PCDHGA4: variants seen among roughly 807,000 people sequenced by gnomAD.
The protein encoded by PCDHGA4 is protocadherin gamma subfamily A, 4, also known as protocadherin gamma-A4.
A neutral mutation model predicts 54.6 loss-of-function variants in PCDHGA4; 38 were observed. That is an observed-to-expected ratio of 0.70 (90% CI 0.54 to 0.91). PCDHGA4 has a LOEUF of 0.91. Among genes scored for constraint, PCDHGA4 ranks in the 40% least tolerant of loss-of-function variants. The pLI is 0.00. For missense variants in PCDHGA4, 1,298 were observed against 1,220.9 expected, an observed-to-expected ratio of 1.06 and a Z score of -0.94; for synonymous variants, 511 against 512.9, an observed-to-expected ratio of 1.00 and a Z score of 0.05.
Position 141,355,077 on chromosome 5 carries a change from C to A in PCDHGA4, c.-31C>A. The A allele has an allele frequency of 7.1e-7, 1 of 1,404,060 alleles. No homozygotes were observed. The highest frequency in any genetic ancestry group is 9.5e-7 in the Non-Finnish European group (1 of 1,051,604). 87.0% of individuals were successfully genotyped at this position (1,404,060 alleles called of 1,614,324 possible). A position where few individuals can be genotyped will look rare whatever the true frequency, so the allele number is the denominator to read the frequency against. ...TGGCTCTGGAGCTTTATGAAAGCTT[C>A]AAGCGGAAGCCCTGAGAGCTCTGGC... On this transcript the variant is annotated 5_prime_UTR_variant, in exon 1 of 4. It introduces an in-frame stop codon into an upstream open reading frame of the 5' UTR. Transcript: ENST00000571252.
At chr5:141,371,321 T>C (rs1767663616) in intron 1 of PCDHGA4, 4 of 1,613,816 alleles carry the variant, frequency 2.5e-6, no homozygotes, top group Non-Finnish European at 3.4e-6. Context: ...AACTGGACTT[T>C]GAAGAGAGAG....
chr5:141,371,842 C>T (rs1768100584), intron 1 of PCDHGA4: 3 of 1,613,586 alleles, frequency 1.9e-6, no homozygotes, highest in African/African-American at 1.3e-5. Context: ...GACTTGGGAC[C>T]TAATGGCCTT....
At chr5:141,400,233 C>A (rs373858401) in intron 1 of PCDHGA4, 2 of 1,613,988 alleles carry the variant, frequency 1.2e-6, no homozygotes, top group African/African-American at 1.3e-5. Flanking sequence ...TCCTCCTGGC[C>A]GTGATTCTGG....
At chr5:141,414,421 A>G (rs1250470349) in intron 1 of PCDHGA4, 1 of 1,613,776 alleles carries the variant, frequency 6.2e-7, no homozygotes, top group African/African-American at 1.3e-5. Flanking sequence ...AGCCCTTGAC[A>G]GGGAACAGGT....
At chr5:141,403,864 A>C in intron 1 of PCDHGA4, 1 of 1,613,794 alleles carries the variant, frequency 6.2e-7, no homozygotes, top group Non-Finnish European at 8.5e-7. Flanking sequence ...TATCAACAGC[A>C]AAAAGTCTAG....
At chr5:141,376,974 A>T (rs1055212132) in intron 1 of PCDHGA4, 1 of 158,030 alleles carries the variant, frequency 6.3e-6, no homozygotes, top group Non-Finnish European at 1.4e-5. Context: ...GGCGTGAGCC[A>T]CCGCGCCCGG....
At chr5:141,382,924 G>T (rs768027809) in intron 1 of PCDHGA4, 2 of 1,568,666 alleles carry the variant, frequency 1.3e-6, no homozygotes, top group Non-Finnish European at 1.7e-6. Flanking sequence ...GAGGGGCGGG[G>T]ACTACAGAGG....
At chr5:141,482,116 T>C (rs1017195289) in intron 1 of PCDHGA4, among the ~76,000 whole-genome samples, 4 of 150,222 alleles carry the variant, frequency 2.7e-5, no homozygotes, top group South Asian at 2.1e-4. Context: ...TATCTAGAGA[T>C]GGGAGAATCA....
At chr5:141,373,954 T>C (rs1439763136) in intron 1 of PCDHGA4, 3 of 850,698 alleles carry the variant, frequency 3.5e-6, no homozygotes, top group East Asian at 5.9e-5. Context: ...GCAGAAATTC[T>C]GACCTGAAAC....
intron 3 of PCDHGA4, among the ~76,000 whole-genome samples, chr5:141,506,877 G>A (rs998146154): frequency 1.3e-5 from 2 of 152,142 alleles, no homozygotes; most frequent in Non-Finnish European, 2.9e-5. Flanking sequence ...AGAGAACCAG[G>A]TGAAATCACA....
intron 1 of PCDHGA4, among the ~76,000 whole-genome samples, chr5:141,466,183 T>G (rs145148468): frequency 2.0e-5 from 3 of 152,138 alleles, no homozygotes; most frequent in Middle Eastern, 3.4e-3. Flanking sequence ...TATTTTTATT[T>G]TTTTTCAGAC....
chr5:141,461,286 C>T (rs2099012487), intron 1 of PCDHGA4, among the ~76,000 whole-genome samples: 1 of 152,144 alleles, frequency 6.6e-6, no homozygotes, highest in Admixed American at 6.6e-5. Context: ...TTCCCCACAT[C>T]CACACCAACA....
At chr5:141,497,284 A>G (rs1486878285) in intron 2 of PCDHGA4, among the ~76,000 whole-genome samples, 1 of 152,104 alleles carries the variant, frequency 6.6e-6, no homozygotes, top group South Asian at 2.1e-4. Context: ...TGTTCCCTCT[A>G]CCTACCACCA....
At position 141,418,023 on chromosome 5, in the gene PCDHGA4, G is replaced by A. The variant is rs375588252; in HGVS notation, c.2514+60402G>A. 244 of 1,613,996 alleles carry A rather than the reference G, an allele frequency of 1.5e-4. No individual in the cohort carries two copies. The Middle Eastern group carries it at 3.5e-3, about 23-fold the overall frequency. On this transcript the variant is annotated intron_variant, in intron 1 of 3. Coordinates refer to ENST00000571252, the MANE Select transcript of PCDHGA4 (RefSeq NM_018917.4). ...GTGGGGAACCTCGCTAAGGATCTAGGGCTTAGTGTCCTGGATGTGTCGGCT... is the reference window on the plus strand; with the variant it reads ...GTGGGGAACCTCGCTAAGGATCTAGAGCTTAGTGTCCTGGATGTGTCGGCT...
chr5:141,356,483 GAACTCCTC>G lies in PCDHGA4; in HGVS notation c.1377_1384del (p.Pro461ValfsTer15). The G allele has an allele frequency of 6.2e-7, 1 of 1,613,938 alleles. No individual in the cohort carries two copies. Among genetic ancestry groups the G allele is most frequent in the Non-Finnish European group, 8.5e-7 (1 of 1,179,888 alleles). On this transcript the variant is annotated frameshift_variant, in exon 1 of 4. Transcript: ENST00000571252. LOFTEE classifies it high-confidence loss of function. ...ATCACTGTAACTGCCACTGACCAGG[GAACTCCTC>G]CACTGTCTACAGAAACTCATATTTC...
chr5:141,428,426 C>T (rs1040765233), intron 1 of PCDHGA4: 1 of 435,172 alleles, frequency 2.3e-6, no homozygotes, highest in African/African-American at 2.0e-5. Context: ...GGTCTCTGTT[C>T]TAAGACTAGA....
At position 141,357,408 on chromosome 5, in the gene PCDHGA4, T is replaced by C. The variant is rs73792169; in HGVS notation, c.2301T>C (p.Pro767=). 2.9e-3 allele frequency: 4,630 copies of C among 1,614,246 alleles called. 117 individuals carry two copies. In the African/African-American group the frequency reaches 0.05, roughly 18 times the overall value. The change falls in exon 1 of 4, where the codon CCT becomes CCC. Residue 767 remains proline (P), a synonymous_variant. Transcript: ENST00000571252. Reference sequence around the variant, plus strand: ...AAGGCAGCAGGTTGGCAGGTGTGCCTGCCTCGCACTTTGTGGGCGTGGACG... The same window carrying C: ...AAGGCAGCAGGTTGGCAGGTGTGCCCGCCTCGCACTTTGTGGGCGTGGACG... ...HAEGSRLAGV[P]ASHFVGVDGV... is the part of the protein sequence containing the mutation.
chr5:141,420,673 A>T (rs1244699899), intron 1 of PCDHGA4, among the ~76,000 whole-genome samples: 5 of 152,208 alleles, frequency 3.3e-5, no homozygotes, highest in Admixed American at 3.3e-4. Flanking sequence ...CTACCTGATG[A>T]TTTTATCGGG....
intron 1 of PCDHGA4, chr5:141,372,054 G>A (rs377450479): frequency 3.1e-6 from 5 of 1,613,396 alleles, no homozygotes; most frequent in Middle Eastern, 1.7e-4. Context: ...GTTGGTGGAC[G>A]ACCGCAACGA....
Sources: gnomAD v4.1 joint callset for allele counts (sites outside exome capture counted in the v4.1 genomes callset) on GRCh38, gnomAD v4.1.1 for gene constraint, MANE v1.5 for transcripts, NCBI Gene and HGNC (gene_info 2026-07-23, HGNC 2026-07-21) for gene names.